The following RALGPS2 variants were observed in gnomAD, a reference collection of about 807,000 sequenced individuals.
RALGPS2 encodes Ral GEF with PH domain and SH3 binding motif 2.
RALGPS2 carries 43 observed loss-of-function variants against 86.8 expected under a neutral mutation model. The ratio of observed to expected loss-of-function variants is 0.50; its 90% confidence interval spans 0.39 to 0.64. The LOEUF (loss-of-function observed/expected upper bound fraction) is 0.64. Among genes scored for constraint, RALGPS2 ranks in the 30% least tolerant of loss-of-function variants. The probability of loss-of-function intolerance (pLI) is 0.00; values close to 1 mark genes in which losing one functional copy is unlikely to be tolerated. For missense variants in RALGPS2, 536 were observed against 694.6 expected (o/e 0.77, Z 2.57); for synonymous variants, 243 against 231.3 (o/e 1.05, Z -0.46).
chr1:178,915,086 T>A (rs1450883507), intron 19 of RALGPS2, among the ~76,000 whole-genome samples: 3 of 152,250 alleles, frequency 2.0e-5, no homozygotes, highest in African/African-American at 4.8e-5. Context: ...TATTTGTTTC[T>A]ATACTTGCAA....
At chr1:178,792,498 T>C (rs1260863390) in intron 4 of RALGPS2, among the ~76,000 whole-genome samples, 1 of 152,206 alleles carries the variant, frequency 6.6e-6, no homozygotes, top group East Asian at 1.9e-4. Flanking sequence ...CTGCAGCTCA[T>C]TGGCTCTAGA....
intron 18 of RALGPS2, among the ~76,000 whole-genome samples, chr1:178,905,772 T>TA (rs1660363992): frequency 6.6e-6 from 1 of 152,194 alleles, no homozygotes; most frequent in Non-Finnish European, 1.5e-5. Flanking sequence ...TTAATACATA[T>TA]AACCATTTAA....
At chr1:178,895,138 A>G (rs1257113081) in intron 16 of RALGPS2, among the ~76,000 whole-genome samples, 2 of 152,012 alleles carry the variant, frequency 1.3e-5, no homozygotes, top group East Asian at 3.9e-4. Flanking sequence ...CTTCCTCAAC[A>G]CCAGCATAGT....
At chr1:178,888,803 A>G (rs775442519) in intron 13 of RALGPS2, among the ~76,000 whole-genome samples, 15 of 152,242 alleles carry the variant, frequency 9.9e-5, no homozygotes, top group Admixed American at 2.0e-4. Flanking sequence ...ACCTTACAGC[A>G]TCCATTACAG....
intron 10 of RALGPS2, chr1:178,879,917 A>T (rs1172376926): frequency 2.6e-5 from 4 of 151,506 alleles, no homozygotes; most frequent in Non-Finnish European, 5.9e-5. Context: ...TAACCCTTTC[A>T]TCTTTCGTTG....
intron 1 of RALGPS2, chr1:178,726,024 G>T (rs1558089111): frequency 6.6e-6 from 1 of 152,198 alleles, no homozygotes; most frequent in Admixed American, 6.5e-5. Flanking sequence ...TCCTGTGCTG[G>T]CCTCGGGCCG....
At chr1:178,767,433 G>GT (rs1427121451) in intron 1 of RALGPS2, among the ~76,000 whole-genome samples, 2 of 148,694 alleles carry the variant, frequency 1.3e-5, no homozygotes, top group East Asian at 3.9e-4. Context: ...TATAAGGTGG[G>GT]TTCAGTCGAC....
intron 4 of RALGPS2, among the ~76,000 whole-genome samples, chr1:178,802,607 A>G (rs1369075389): frequency 6.6e-6 from 1 of 152,172 alleles, no homozygotes; most frequent in African/African-American, 2.4e-5. Flanking sequence ...TACTCTCTAC[A>G]CTTAAACTCA....
At chr1:178,801,089 G>A (rs140009068) in intron 4 of RALGPS2, among the ~76,000 whole-genome samples, 2,700 of 152,094 alleles carry the variant, frequency 0.018, 38 homozygotes, top group Non-Finnish European at 0.029. Flanking sequence ...ACCACGCCTG[G>A]CTAATTTTTG....
intron 18 of RALGPS2, among the ~76,000 whole-genome samples, chr1:178,906,533 T>C (rs1006570920): frequency 3.3e-5 from 5 of 152,188 alleles, no homozygotes; most frequent in African/African-American, 9.6e-5. Context: ...TTATTTCTTC[T>C]AATTCATAAG....
intron 19 of RALGPS2, among the ~76,000 whole-genome samples, chr1:178,909,643 A>ATTTTTTTTT (rs57890269): frequency 2.1e-4 from 15 of 72,376 alleles, no homozygotes; most frequent in East Asian, 3.7e-4. Context: ...TTCTTTTTTA[A>ATTTTTTTTT]TTTTTTTTTT....
chr1:178,877,413 A>G lies in RALGPS2; in HGVS notation c.608-85A>G, dbSNP rs1659050106. 4 of 1,559,934 alleles carry G rather than the reference A, an allele frequency of 2.6e-6. No individual in the cohort carries two copies. The African/African-American group carries it at 4.1e-5, about 16-fold the overall frequency. ...ATGTAGCGTACAGTGGAATATATCT[A>G]TAAACAACCCCTTCCCCCCTTTTCT... On this transcript the variant is annotated intron_variant, in intron 8 of 19. Coordinates refer to ENST00000367635, the MANE Select transcript of RALGPS2 (RefSeq NM_152663.5).
intron 17 of RALGPS2, 132 bp from the exon 18 acceptor site, chr1:178,901,974 G>A (rs1660196681): frequency 3.1e-6 from 2 of 645,880 alleles, no homozygotes. Flanking sequence ...CCCCAGGCTG[G>A]CTGAGACCAG....
chr1:178,819,919 G>A (rs1655417139), intron 6 of RALGPS2, among the ~76,000 whole-genome samples: 1 of 151,932 alleles, frequency 6.6e-6, no homozygotes, highest in Admixed American at 6.6e-5. Flanking sequence ...CCAAAATGTA[G>A]TACACATCCA....
intron 18 of RALGPS2, among the ~76,000 whole-genome samples, chr1:178,905,485 G>A (rs1183346910): frequency 6.6e-6 from 1 of 152,138 alleles, no homozygotes; most frequent in Non-Finnish European, 1.5e-5. Context: ...AGTTCAGCAA[G>A]TGTAACGGTG....
chr1:178,818,360 A>G (rs1655335095), intron 6 of RALGPS2, among the ~76,000 whole-genome samples: 1 of 152,224 alleles, frequency 6.6e-6, no homozygotes, highest in Non-Finnish European at 1.5e-5. Flanking sequence ...ACCACGTCTC[A>G]AAAAAGAAAA....
At chr1:178,884,094 G>C (rs1558170036) in intron 11 of RALGPS2, among the ~76,000 whole-genome samples, 1 of 152,148 alleles carries the variant, frequency 6.6e-6, no homozygotes, top group Non-Finnish European at 1.5e-5. Flanking sequence ...TAGATAAGTA[G>C]TTATGAATAT....
intron 4 of RALGPS2, 41 bp downstream of exon 4, chr1:178,785,648 G>A (rs368119671): frequency 1.4e-5 from 22 of 1,525,662 alleles, no homozygotes; most frequent in Non-Finnish European, 1.8e-5. Flanking sequence ...TATAGAAAAC[G>A]ATCAATCTCA....
At chr1:178,787,176 A>G (rs1653696530) in intron 4 of RALGPS2, among the ~76,000 whole-genome samples, 1 of 152,106 alleles carries the variant, frequency 6.6e-6, no homozygotes, top group South Asian at 2.1e-4. Context: ...AAAAAATGAA[A>G]TTCTTTATGC....
Sources: gnomAD v4.1 joint callset for allele counts (sites outside exome capture counted in the v4.1 genomes callset) on GRCh38, gnomAD v4.1.1 for gene constraint, MANE v1.5 for transcripts, NCBI Gene and HGNC (gene_info 2026-07-23, HGNC 2026-07-21) for gene names.